The following SPRED2 variants were observed in gnomAD, a reference collection of about 807,000 sequenced individuals.
SPRED2 encodes the protein sprouty related EVH1 domain containing 2.
SPRED2 carries 47 observed loss-of-function variants against 43.0 expected under a neutral mutation model. The observed-to-expected ratio is 1.09, with a 90% CI of 0.87 to 1.40. The LOEUF (loss-of-function observed/expected upper bound fraction) is 1.40. Among genes scored for constraint, SPRED2 ranks in the 40% most tolerant of loss-of-function variants. SPRED2 has a pLI of 0.00. For synonymous variants in SPRED2, 225 were observed against 225.7 expected, an observed-to-expected ratio of 1.00 and a Z score of 0.03; for missense variants, 561 against 586.4, an observed-to-expected ratio of 0.96 and a Z score of 0.45.
intron 2 of SPRED2, among the ~76,000 whole-genome samples, chr2:65,337,472 G>A (rs1190530945): frequency 6.6e-6 from 1 of 151,888 alleles, no homozygotes; most frequent in African/African-American, 2.4e-5. Flanking sequence ...GAAGACATGA[G>A]GACTCCATTC....
intron 1 of SPRED2, among the ~76,000 whole-genome samples, chr2:65,393,722 T>A (rs1359417144): frequency 6.6e-6 from 1 of 152,228 alleles, no homozygotes; most frequent in Non-Finnish European, 1.5e-5. Flanking sequence ...TGGTGTCTCC[T>A]GGTCTGTGGC....
chr2:65,360,101 A>AAAAAAAAAAAAAAAAAAAAAAAAAAC (rs1674768482), intron 1 of SPRED2, among the ~76,000 whole-genome samples: 3 of 12,614 alleles, frequency 2.4e-4, no homozygotes, highest in Admixed American at 8.8e-4. Context: ...AAAAAAAAAC[A>AAAAAAAAAAAAAAAAAAAAAAAAAAC]AAAAAAAAAA....
At chr2:65,375,118 C>A (rs1483025100) in intron 1 of SPRED2, among the ~76,000 whole-genome samples, 1 of 152,214 alleles carries the variant, frequency 6.6e-6, no homozygotes, top group African/African-American at 2.4e-5. Context: ...AGAACACATA[C>A]CCTGGAGTTG....
intron 2 of SPRED2, among the ~76,000 whole-genome samples, chr2:65,338,965 T>C (rs1470522424): frequency 2.1e-5 from 3 of 144,280 alleles, no homozygotes; most frequent in African/African-American, 7.8e-5. Context: ...GTCCGGGAGG[T>C]GAGGGGCGCC....
At chr2:65,334,465 C>T in intron 3 of SPRED2, 140 bp downstream of exon 3, 5 of 955,708 alleles carry the variant, frequency 5.2e-6, no homozygotes, top group Non-Finnish European at 7.9e-6. Flanking sequence ...TTGGAAATTC[C>T]AAAAGTTTTG....
At position 65,429,790 on chromosome 2, in the gene SPRED2, A is replaced by G. The variant is rs75343467; in HGVS notation, c.26+2172T>C. Among the ~76,000 whole-genome samples the G allele has an allele frequency of 1.2e-4, 19 of 152,314 alleles. 1 individual carries two copies. The East Asian group carries it at 3.7e-3, about 29-fold the overall frequency. On this transcript the variant is annotated intron_variant, in intron 1 of 5. Transcript: ENST00000356388. ...AGGTGCCAAGGCTTTCTCAGTCTCT[A>G]AGTGAAACTAGAACTCCTCAAATAT...
At chr2:65,361,129 A>G (rs1674803565) in intron 1 of SPRED2, among the ~76,000 whole-genome samples, 1 of 152,260 alleles carries the variant, frequency 6.6e-6, no homozygotes, top group African/African-American at 2.4e-5. Flanking sequence ...CAAAAGTAAC[A>G]TATGTCCCCA....
At chr2:65,409,784 C>G (rs1330177575) in intron 1 of SPRED2, among the ~76,000 whole-genome samples, 1 of 151,380 alleles carries the variant, frequency 6.6e-6, no homozygotes, top group African/African-American at 2.4e-5. Context: ...GCCTGTAATC[C>G]TAGCACTTTG....
chr2:65,367,708 T>C (rs903559535), intron 1 of SPRED2, among the ~76,000 whole-genome samples: 1 of 152,194 alleles, frequency 6.6e-6, no homozygotes, highest in African/African-American at 2.4e-5. Context: ...ATTGTTTCCT[T>C]ATGCATTCTC....
At chr2:65,349,389 C>A (rs1674444915) in intron 1 of SPRED2, among the ~76,000 whole-genome samples, 1 of 151,608 alleles carries the variant, frequency 6.6e-6, no homozygotes, top group South Asian at 2.1e-4. Flanking sequence ...ATATCCTTTC[C>A]CCCACTCCAA....
intron 1 of SPRED2, among the ~76,000 whole-genome samples, chr2:65,406,931 CTTT>C (rs571460201): frequency 4.9e-5 from 7 of 143,814 alleles, no homozygotes; most frequent in Non-Finnish European, 9.2e-5. Flanking sequence ...TTTAGTCTCT[CTTT>C]TTTTTTTTTT....
chr2:65,391,195 T>TACACACAC (rs70943648), intron 1 of SPRED2, among the ~76,000 whole-genome samples: 1,777 of 145,612 alleles, frequency 0.012, 21 homozygotes, highest in African/African-American at 0.024. Context: ...CCTTAATGTG[T>TACACACAC]ACACACACAC....
chr2:65,406,706 C>T (rs182589604), intron 1 of SPRED2, among the ~76,000 whole-genome samples: 100 of 152,338 alleles, frequency 6.6e-4, no homozygotes, highest in Admixed American at 3.0e-3. Flanking sequence ...ACACAAGAGG[C>T]AGGCTAAAAA....
chr2:65,364,845 A>G (rs1262158024), intron 1 of SPRED2, among the ~76,000 whole-genome samples: 1 of 151,394 alleles, frequency 6.6e-6, no homozygotes, highest in African/African-American at 2.5e-5. Context: ...CTTTAAAATA[A>G]AACAAAATTA....
intron 1 of SPRED2, among the ~76,000 whole-genome samples, chr2:65,419,436 T>C (rs564810503): frequency 1.3e-5 from 2 of 152,324 alleles, no homozygotes; most frequent in African/African-American, 4.8e-5. Flanking sequence ...CCTCTGTGTA[T>C]TCATCCCTCA....
intron 1 of SPRED2, among the ~76,000 whole-genome samples, chr2:65,357,481 T>C (rs1016782265): frequency 7.2e-5 from 11 of 152,226 alleles, no homozygotes; most frequent in African/African-American, 2.4e-4. Flanking sequence ...TCAAGGTCAC[T>C]GACATTAGGG....
At chr2:65,425,963 T>C (rs546334200) in intron 1 of SPRED2, among the ~76,000 whole-genome samples, 16 of 152,342 alleles carry the variant, frequency 1.1e-4, no homozygotes, top group African/African-American at 3.6e-4. Flanking sequence ...ACTGTATTTG[T>C]GTTCAGCCGG....
At chr2:65,356,548 TTTTTTTTTTTG>T (rs1674655943) in intron 1 of SPRED2, among the ~76,000 whole-genome samples, 2 of 139,166 alleles carry the variant, frequency 1.4e-5, no homozygotes, top group Admixed American at 7.1e-5. Context: ...TTTTTTTTTT[TTTTTTTTTTTG>T]TGTGTGTGTA....
rs1311606992 is a variant in SPRED2, at chr2:65,344,910, A to G, written c.27-14T>C. 6.8e-6 allele frequency: 11 copies of G among 1,610,092 alleles called. No homozygotes were observed. The highest frequency in any genetic ancestry group is 2.2e-5 in the East Asian group (1 of 44,762). ...ATATAGCTGTCACTAAAACGACAAG[A>G]AGAAGAAGCACAGGGCATGACAATG... On this transcript the variant is annotated splice_polypyrimidine_tract_variant and intron_variant, in intron 1 of 5. Coordinates refer to ENST00000356388, the MANE Select transcript of SPRED2 (RefSeq NM_181784.3).
Sources: gnomAD v4.1 joint callset for allele counts (sites outside exome capture counted in the v4.1 genomes callset) on GRCh38, gnomAD v4.1.1 for gene constraint, MANE v1.5 for transcripts, NCBI Gene and HGNC (gene_info 2026-07-23, HGNC 2026-07-21) for gene names.